Variants in RALB observed in about 807,000 individuals in gnomAD.
RALB encodes ras-related protein Ral-B.
RALB carries 16 observed loss-of-function variants against 21.3 expected under a neutral mutation model. The ratio of observed to expected loss-of-function variants is 0.75; its 90% CI spans 0.51 to 1.14. The LOEUF is 1.14. Ranked by LOEUF, RALB falls within the 50% of genes most tolerant of loss-of-function variation. RALB has a pLI of 0.00. For synonymous variants in RALB, 93 were observed against 96.1 expected (o/e 0.97, Z 0.19); for missense variants, 161 against 256.2 (o/e 0.63, Z 2.54).
intron 2 of RALB, among the ~76,000 whole-genome samples, chr2:120,283,701 C>T (rs1690051987): frequency 6.6e-6 from 1 of 152,184 alleles, no homozygotes; most frequent in African/African-American, 2.4e-5. Flanking sequence ...CAGTCTCTGG[C>T]AGCTTAGAGG....
chr2:120,294,067 T>C lies in RALB; in HGVS notation c.*807T>C, dbSNP rs1321555027. 2.5e-6 allele frequency: 1 copy of C among 398,126 alleles called. No homozygotes were observed. Among genetic ancestry groups the C allele is most frequent in the Non-Finnish European group, 4.4e-6 (1 of 225,960 alleles). 24.7% of individuals were successfully genotyped at this position (398,126 alleles called of 1,614,324 possible). On this transcript the variant is annotated 3_prime_UTR_variant, in exon 5 of 5. Coordinates refer to ENST00000272519, the MANE Select transcript of RALB (RefSeq NM_002881.3). ...ATTTTTAAGTTCTTTGGCTAAGTCC[T>C]CTCCTAACTGCCTGTCCTCTGGTTA...
intron 1 of RALB, among the ~76,000 whole-genome samples, chr2:120,263,825 T>C: frequency 6.7e-6 from 1 of 149,158 alleles, no homozygotes. Flanking sequence ...CCACTGCGCC[T>C]GGCCTGTCCT....
At chr2:120,242,727 G>A (rs1448064062) in intron 1 of RALB, among the ~76,000 whole-genome samples, 1 of 152,078 alleles carries the variant, frequency 6.6e-6, no homozygotes, top group Non-Finnish European at 1.5e-5. Context: ...GACAGAGCAA[G>A]ACTGCATCTC....
chr2:120,246,008 C>T (rs1688964033), intron 1 of RALB, among the ~76,000 whole-genome samples: 1 of 152,176 alleles, frequency 6.6e-6, no homozygotes, highest in Non-Finnish European at 1.5e-5. Flanking sequence ...GGGTCTGGGG[C>T]CTTCTCAGGT....
At chr2:120,259,648 C>T (rs1689300485) in intron 1 of RALB, among the ~76,000 whole-genome samples, 1 of 152,278 alleles carries the variant, frequency 6.6e-6, no homozygotes, top group East Asian at 1.9e-4. Flanking sequence ...TATAAAGACT[C>T]TCCACGTCCC....
chr2:120,278,766 C>T lies in RALB; in HGVS notation c.102C>T (p.Phe34=). Residue 34 remains phenylalanine, a synonymous_variant, in exon 2 of 5, where the codon TTC becomes TTT. Transcript: ENST00000272519. ...GCAAGTCAGCCCTGACGCTTCAGTT[C>T]ATGTATGACGAGGTAAGCCCTGCTA... is the stretch of plus-strand genomic sequence containing the variant. ...GVGKSALTLQ[F]MYDEFVEDYE... 6.4e-7 allele frequency: 1 copy of T among 1,568,730 alleles called. No individual in the cohort carries two copies. The highest frequency in any genetic ancestry group is 8.7e-7 in the Non-Finnish European group (1 of 1,155,688).
chr2:120,276,145 C>T (rs1689787368), intron 1 of RALB, among the ~76,000 whole-genome samples: 1 of 152,226 alleles, frequency 6.6e-6, no homozygotes. Context: ...GGAGGTGGAA[C>T]CACCATGGTG....
intron 1 of RALB, among the ~76,000 whole-genome samples, chr2:120,276,200 G>A (rs1689789614): frequency 6.6e-6 from 1 of 152,236 alleles, no homozygotes; most frequent in African/African-American, 2.4e-5. Context: ...GCAGCCGCTG[G>A]CATGCAGCTG....
chr2:120,282,571 C>T (rs1046251593), intron 2 of RALB, among the ~76,000 whole-genome samples: 3 of 66,842 alleles, frequency 4.5e-5, no homozygotes, highest in South Asian at 4.6e-4. Context: ...GGGAGGGGGG[C>T]GGGGGTGGGT....
intron 1 of RALB, among the ~76,000 whole-genome samples, chr2:120,269,954 C>T (rs1232062706): frequency 6.6e-6 from 1 of 152,118 alleles, no homozygotes; most frequent in African/African-American, 2.4e-5. Context: ...CTTGATGAAC[C>T]CAATCTAATG....
chr2:120,248,673 G>A (rs1477252309), upstream of RALB, among the ~76,000 whole-genome samples: 1 of 152,032 alleles, frequency 6.6e-6, no homozygotes, highest in Non-Finnish European at 1.5e-5. Context: ...TCTTTTTTCT[G>A]ACAGCTTCTT....
intron 1 of RALB, among the ~76,000 whole-genome samples, chr2:120,260,964 G>T (rs1689351855): frequency 6.6e-6 from 1 of 152,234 alleles, no homozygotes; most frequent in African/African-American, 2.4e-5. Context: ...TTGCTACACA[G>T]TGTGGGGTCT....
chr2:120,293,375 C>A lies in RALB; in HGVS notation c.*115C>A. The A allele has an allele frequency of 1.7e-6, 2 of 1,151,996 alleles. No homozygotes were observed. The highest frequency in any genetic ancestry group is 2.3e-6 in the Non-Finnish European group (2 of 868,246). 71.4% of individuals were successfully genotyped at this position (1,151,996 alleles called of 1,614,324 possible). On this transcript the variant is annotated 3_prime_UTR_variant, in exon 5 of 5. Transcript: ENST00000272519. ...TTCCCACTCTCCCCGACTTCATTCA[C>A]TCAAACTTCTTTAAATGGGGAAAAA...
At chr2:120,253,760 C>T (rs186380599) in intron 1 of RALB, 3 of 967,744 alleles carry the variant, frequency 3.1e-6, no homozygotes, top group East Asian at 2.3e-4. Context: ...AGTGCTTGTG[C>T]CTGGCGGACT....
intron 1 of RALB, among the ~76,000 whole-genome samples, chr2:120,259,233 TC>T (rs1689281160): frequency 6.6e-6 from 1 of 152,226 alleles, no homozygotes; most frequent in African/African-American, 2.4e-5. Context: ...CAATGCTGGC[TC>T]GGGCAGCCTG....
chr2:120,287,478 G>A lies in RALB; in HGVS notation c.323+1396G>A, dbSNP rs186918258. ...TGTATTTATAATTGTTTGCATCTGC[G>A]TAGTCCTGTTTTTAATGCCTCATAG... On this transcript the variant is annotated intron_variant, in intron 3 of 4. Transcript: ENST00000272519. Among the ~76,000 whole-genome samples the A allele has an allele frequency of 1.2e-4, 18 of 152,320 alleles. No individual in the cohort carries two copies. The East Asian group carries it at 2.3e-3, about 20-fold the overall frequency.
At chr2:120,284,803 C>A (rs1277101756) in intron 2 of RALB, among the ~76,000 whole-genome samples, 2 of 152,176 alleles carry the variant, frequency 1.3e-5, no homozygotes, top group East Asian at 1.9e-4. Context: ...CCCCGTCCCA[C>A]CCCTGGCCTC....
chr2:120,288,569 C>T (rs1690229752), intron 3 of RALB, among the ~76,000 whole-genome samples: 1 of 151,860 alleles, frequency 6.6e-6, no homozygotes, highest in African/African-American at 2.4e-5. Flanking sequence ...GAAGGGGACT[C>T]TTTTTAGAAT....
Position 120,294,677 on chromosome 2 carries a change from G to C in RALB, c.*1417G>C, listed in dbSNP as rs929535806. On this transcript the variant is annotated 3_prime_UTR_variant, in exon 5 of 5. Coordinates refer to ENST00000272519, the MANE Select transcript of RALB (RefSeq NM_002881.3). ...TGTATCCCCTCCCAAAGAATCATGGGCTTTTTTTTTGAATAAAAAAGCAGA... is the reference window on the plus strand; with the variant it reads ...TGTATCCCCTCCCAAAGAATCATGGCCTTTTTTTTTGAATAAAAAAGCAGA... 2 of 160,080 alleles carry C rather than the reference G, an allele frequency of 1.2e-5. No individual in the cohort carries two copies. Among genetic ancestry groups the C allele is most frequent in the Non-Finnish European group, 2.7e-5 (2 of 73,604 alleles). The allele number at this position is 160,080 out of a possible 1,614,324, so 9.9% of individuals were successfully genotyped here.
Sources: gnomAD v4.1 joint callset for allele counts (sites outside exome capture counted in the v4.1 genomes callset) on GRCh38, gnomAD v4.1.1 for gene constraint, MANE v1.5 for transcripts, NCBI Gene and HGNC (gene_info 2026-07-23, HGNC 2026-07-21) for gene names.